Variants in NCKAP1 observed in about 807,000 individuals in gnomAD.
NCKAP1 encodes NCK associated protein 1, also known as nck-associated protein 1.
In NCKAP1, 21 loss-of-function variants were observed where a neutral mutation model predicts 151.2. That is an observed-to-expected ratio of 0.14 (90% confidence interval 0.10 to 0.20). The LOEUF (loss-of-function observed/expected upper bound fraction) is 0.20. Ranked by LOEUF, NCKAP1 falls within the 10% of genes least tolerant of loss-of-function variation. NCKAP1 has a pLI of 1.00. For missense variants in NCKAP1, 933 were observed against 1,352.1 expected, an observed-to-expected ratio of 0.69 and a Z score of 4.86; for synonymous variants, 484 against 451.8, an observed-to-expected ratio of 1.07 and a Z score of -0.90.
In NCKAP1 at chr2:182,922,271, G is replaced by A. The variant is rs536640151; in HGVS notation, c.*3431C>T. 6.6e-6 allele frequency: 1 copy of A among 152,332 alleles called. No individual in the cohort carries two copies. The highest frequency in any genetic ancestry group is 2.1e-4 in the South Asian group (1 of 4,828). 9.4% of individuals were successfully genotyped at this position (152,332 alleles called of 1,614,324 possible). ...AATTTGGGCTTCATTTAGAAGGCCT[G>A]ATGGTGTACAACAGACTTTACATTT... On this transcript the variant is annotated 3_prime_UTR_variant, in exon 31 of 31. Coordinates refer to ENST00000361354, the MANE Select transcript of NCKAP1 (RefSeq NM_013436.5).
rs1301974664 is a variant in NCKAP1 at position 182,957,673 on chromosome 2, G to C, written c.1882-77C>G. ...ATACTAACTATTCAAGCAAACAGTA[G>C]CTGAATCCAGGCTGTGTTGCAAATA... On this transcript the variant is annotated intron_variant, in intron 18 of 30. Coordinates refer to ENST00000361354, the MANE Select transcript of NCKAP1 (RefSeq NM_013436.5). The C allele has an allele frequency of 2.1e-6, 3 of 1,423,888 alleles. No individual in the cohort carries two copies. The East Asian group carries it at 6.9e-5, about 33-fold the overall frequency. 88.2% of individuals were successfully genotyped at this position (1,423,888 alleles called of 1,614,324 possible).
chr2:182,969,850 AAGTT>A (rs1277440594), intron 15 of NCKAP1, among the ~76,000 whole-genome samples: 3 of 152,024 alleles, frequency 2.0e-5, no homozygotes, highest in East Asian at 1.9e-4. Context: ...ACAAAATAAA[AAGTT>A]AGTTCTTTGG....
At chr2:183,004,555 C>T (rs1409922344) in intron 2 of NCKAP1, among the ~76,000 whole-genome samples, 2 of 148,638 alleles carry the variant, frequency 1.3e-5, no homozygotes, top group African/African-American at 4.9e-5. Context: ...GGGTAAACCA[C>T]CCTAAATATT....
rs776157973 is a variant in NCKAP1 at position 182,967,325 on chromosome 2, C to T, written c.1519G>A (p.Ala507Thr). ...ATCTTTCCAAGTTCTCTGTGATCTG[C>T]AAGGCCAAGTGAAGCCTTTGAGACA... is the stretch of plus-strand genomic sequence containing the variant. Reference protein sequence around the residue: ...TSVSKASLGLADHRELGKMMN... With the variant: ...TSVSKASLGLTDHRELGKMMN... The change falls in exon 16 of 31, where the codon GCA (alanine) becomes ACA (threonine). Residue 507 changes from alanine (A) to threonine (T), a missense_variant. This residue lies in a region of NCKAP1 where 607 missense variants were observed against 795.0 expected (regional missense o/e 0.76). Coordinates refer to ENST00000361354, the MANE Select transcript of NCKAP1 (RefSeq NM_013436.5). The T allele has an allele frequency of 6.2e-7, 1 of 1,610,008 alleles. No individual in the cohort carries two copies. The highest frequency in any genetic ancestry group is 1.3e-5 in the African/African-American group (1 of 74,520).
chr2:182,966,739 A>G (rs1046193151), intron 16 of NCKAP1, among the ~76,000 whole-genome samples: 3 of 152,232 alleles, frequency 2.0e-5, no homozygotes, highest in African/African-American at 7.2e-5. Flanking sequence ...TAAACTAAGT[A>G]TAACAAAAAG....
At chr2:182,932,993 A>C (rs925795986) in intron 26 of NCKAP1, among the ~76,000 whole-genome samples, 1 of 152,222 alleles carries the variant, frequency 6.6e-6, no homozygotes, top group Non-Finnish European at 1.5e-5. Flanking sequence ...CTGGGTCTTC[A>C]AGATATATAC....
At chr2:182,954,543 G>C (rs1697284755) in intron 20 of NCKAP1, among the ~76,000 whole-genome samples, 1 of 152,204 alleles carries the variant, frequency 6.6e-6, no homozygotes, top group Non-Finnish European at 1.5e-5. Flanking sequence ...CTAAGACTGT[G>C]CTCAGTTGAT....
At chr2:182,988,641 A>AT (rs932118287) in intron 9 of NCKAP1, among the ~76,000 whole-genome samples, 2 of 152,206 alleles carry the variant, frequency 1.3e-5, no homozygotes, top group Non-Finnish European at 2.9e-5. Context: ...CCAATTAACT[A>AT]TTTTTTATTG....
chr2:182,916,611 T>C lies in NCKAP1; in HGVS notation c.*9091A>G, dbSNP rs1377668127. 1 of 152,192 alleles carries C rather than the reference T, an allele frequency of 6.6e-6. No individual in the cohort carries two copies. Among genetic ancestry groups the C allele is most frequent in the Non-Finnish European group, 1.5e-5 (1 of 68,044 alleles). The allele number at this position is 152,192 out of a possible 1,614,324, so 9.4% of individuals were successfully genotyped here. ...ATGTTTGAGCTTACTGTTTACATTA[T>C]GTTCAGGAGTTTGCCAGCCAGAATA... On this transcript the variant is annotated 3_prime_UTR_variant, in exon 31 of 31. Coordinates refer to ENST00000361354, the MANE Select transcript of NCKAP1 (RefSeq NM_013436.5).
chr2:182,937,981 C>T lies in NCKAP1; in HGVS notation c.2696-2606G>A, dbSNP rs536584081. ...GTCATATAGCTGAAAATATTTAACA[C>T]AATGTTTCTAAACTTTTGTATGATT... On this transcript the variant is annotated intron_variant, in intron 24 of 30. Coordinates refer to ENST00000361354, the MANE Select transcript of NCKAP1 (RefSeq NM_013436.5). Among the ~76,000 whole-genome samples the T allele has an allele frequency of 2.4e-4, 36 of 152,320 alleles. 1 individual carries two copies. The highest frequency in any genetic ancestry group is 8.7e-4 in the African/African-American group (36 of 41,576).
At chr2:182,973,439 A>T (rs560927897) in intron 15 of NCKAP1, among the ~76,000 whole-genome samples, 28 of 152,168 alleles carry the variant, frequency 1.8e-4, no homozygotes, top group Non-Finnish European at 4.0e-4. Context: ...ACAGAATGAG[A>T]TCACTTAGGA....
intron 6 of NCKAP1, among the ~76,000 whole-genome samples, chr2:182,997,183 C>T (rs1174158759): frequency 6.6e-6 from 1 of 152,110 alleles, no homozygotes; most frequent in Non-Finnish European, 1.5e-5. Flanking sequence ...ACCTTATTGG[C>T]AATCCTTTCA....
chr2:182,935,778 G>A (rs972380840), intron 24 of NCKAP1, among the ~76,000 whole-genome samples: 2 of 152,098 alleles, frequency 1.3e-5, no homozygotes, highest in African/African-American at 4.8e-5. Flanking sequence ...GAGTGAACAG[G>A]AGTTAAATCC....
rs72886576 is a variant in NCKAP1 at position 182,953,363 on chromosome 2, C to G, written c.2154-32G>C. 137 of 1,471,452 alleles carry G rather than the reference C, an allele frequency of 9.3e-5. 1 individual carries two copies. In the Middle Eastern group the frequency reaches 1.1e-3, roughly 11 times the overall value. 91.1% of individuals were successfully genotyped at this position (1,471,452 alleles called of 1,614,324 possible). A position where few individuals can be genotyped will look rare whatever the true frequency, so the allele number is the denominator to read the frequency against. ...AGAAGGGATAGAAGAATAAGAAAAGCCTCTGACTTTTCCATTCATGTAAAA... is the reference window on the plus strand; with the variant it reads ...AGAAGGGATAGAAGAATAAGAAAAGGCTCTGACTTTTCCATTCATGTAAAA... On this transcript the variant is annotated intron_variant, in intron 20 of 30. Coordinates refer to ENST00000361354, the MANE Select transcript of NCKAP1 (RefSeq NM_013436.5).
rs1174129218 is a variant in NCKAP1, at chr2:182,918,165, C to A, written c.*7537G>T. ...CATTTACAAAAATAAAGAAAACAAT[C>A]CCTATTGAGTAATTTGGTTGTGGAG... On this transcript the variant is annotated 3_prime_UTR_variant, in exon 31 of 31. Coordinates refer to ENST00000361354, the MANE Select transcript of NCKAP1 (RefSeq NM_013436.5). 3 of 152,118 alleles carry A rather than the reference C, an allele frequency of 2.0e-5. No individual in the cohort carries two copies. Among genetic ancestry groups the A allele is most frequent in the African/African-American group, 7.2e-5 (3 of 41,424 alleles). The allele number at this position is 152,118 out of a possible 1,614,324, so 9.4% of individuals were successfully genotyped here.
chr2:182,990,707 A>G (rs1325647120), intron 8 of NCKAP1, among the ~76,000 whole-genome samples: 20 of 152,174 alleles, frequency 1.3e-4, no homozygotes, highest in Non-Finnish European at 4.4e-5. Context: ...ATGATTCTCA[A>G]TAATCACTCC....
At position 182,918,404 on chromosome 2, in the gene NCKAP1, T is replaced by C. The variant is rs1696497925; in HGVS notation, c.*7298A>G. On this transcript the variant is annotated 3_prime_UTR_variant, in exon 31 of 31. Coordinates refer to ENST00000361354, the MANE Select transcript of NCKAP1 (RefSeq NM_013436.5). Reference sequence around the variant, plus strand: ...CATGTGTATATTTATTGCAGCACAATTCATAACTGCAAAGATATGGAACCA... The same window carrying C: ...CATGTGTATATTTATTGCAGCACAACTCATAACTGCAAAGATATGGAACCA... 6.6e-6 allele frequency: 1 copy of C among 152,144 alleles called. No homozygotes were observed. Among genetic ancestry groups the C allele is most frequent in the South Asian group, 2.1e-4 (1 of 4,826 alleles). 9.4% of individuals were successfully genotyped at this position (152,144 alleles called of 1,614,324 possible).
chr2:182,955,587 C>T (rs1697307862), intron 20 of NCKAP1, among the ~76,000 whole-genome samples: 1 of 152,226 alleles, frequency 6.6e-6, no homozygotes, highest in African/African-American at 2.4e-5. Flanking sequence ...GCTTATTTAA[C>T]AGCAACATGT....
chr2:182,957,443 A>G lies in NCKAP1; in HGVS notation c.2021+14T>C. The stretch of plus-strand genomic sequence containing the variant: ...TACCTGGAGCAAAAAGGTATAATAT[A>G]AGTGGATACTTACTTGGTCACAACC... On this transcript the variant is annotated intron_variant, in intron 19 of 30. Coordinates refer to ENST00000361354, the MANE Select transcript of NCKAP1 (RefSeq NM_013436.5). 1 of 1,607,100 alleles carries G rather than the reference A, an allele frequency of 6.2e-7. No homozygotes were observed. The highest frequency in any genetic ancestry group is 1.1e-5 in the South Asian group (1 of 89,536).
Sources: gnomAD v4.1 joint callset for allele counts (sites outside exome capture counted in the v4.1 genomes callset) on GRCh38, gnomAD v4.1.1 for gene constraint, gnomAD v4.1.1 regional missense constraint, MANE v1.5 for transcripts, NCBI Gene and HGNC (gene_info 2026-07-23, HGNC 2026-07-21) for gene names.